PKIB: variants seen among roughly 807,000 people sequenced by gnomAD.
PKIB encodes the protein PKI-beta.
A neutral mutation model predicts 4.5 loss-of-function variants in PKIB; 2 were observed. The observed-to-expected ratio is 0.44, with a 90% CI of 0.18 to 1.39. The LOEUF is 1.39. Among genes scored for constraint, PKIB ranks in the 40% most tolerant of loss-of-function variants. The pLI, the probability that PKIB is intolerant of heterozygous loss-of-function variation, is 0.27. For synonymous variants in PKIB, 38 were observed against 36.0 expected, an observed-to-expected ratio of 1.06 and a Z score of -0.20; for missense variants, 94 against 92.6, an observed-to-expected ratio of 1.02 and a Z score of -0.06.
intron 3 of PKIB, among the ~76,000 whole-genome samples, chr6:122,694,294 T>C (rs1165071856): frequency 6.6e-6 from 1 of 152,202 alleles, no homozygotes; most frequent in Non-Finnish European, 1.5e-5. Context: ...CTAGGGAAGG[T>C]ATCTGGAATC....
chr6:122,698,130 C>A (rs1418352024), intron 3 of PKIB, among the ~76,000 whole-genome samples: 1 of 152,148 alleles, frequency 6.6e-6, no homozygotes, highest in East Asian at 1.9e-4. Context: ...GAATTAAGAG[C>A]AACAACTCTC....
intron 2 of PKIB, among the ~76,000 whole-genome samples, chr6:122,493,786 C>G (rs1235147177): frequency 1.3e-5 from 2 of 152,134 alleles, no homozygotes; most frequent in Admixed American, 6.5e-5. Context: ...CTAGTCCAGT[C>G]TTTGCCGACT....
chr6:122,580,360 T>G (rs1773667987), intron 2 of PKIB, among the ~76,000 whole-genome samples: 1 of 152,164 alleles, frequency 6.6e-6, no homozygotes, highest in Non-Finnish European at 1.5e-5. Context: ...AAAATGATGT[T>G]GGCATCTAAT....
chr6:122,722,792 GT>G (rs1779795415), intron 4 of PKIB, among the ~76,000 whole-genome samples: 1 of 152,208 alleles, frequency 6.6e-6, no homozygotes, highest in African/African-American at 2.4e-5. Context: ...CTCCATTTCT[GT>G]TTTGTAACAA....
intron 1 of PKIB, among the ~76,000 whole-genome samples, chr6:122,475,672 G>A (rs1368058761): frequency 1.3e-5 from 2 of 149,680 alleles, no homozygotes; most frequent in African/African-American, 4.8e-5. Context: ...TGTAGTCCCA[G>A]CTACTCAAGA....
chr6:122,552,989 C>T (rs1772724957), intron 2 of PKIB, among the ~76,000 whole-genome samples: 1 of 151,804 alleles, frequency 6.6e-6, no homozygotes, highest in Non-Finnish European at 1.5e-5. Flanking sequence ...TTTTTTATTT[C>T]TTACTAACTA....
At chr6:122,550,306 T>G (rs1455320498) in intron 2 of PKIB, among the ~76,000 whole-genome samples, 1 of 152,190 alleles carries the variant, frequency 6.6e-6, no homozygotes, top group Non-Finnish European at 1.5e-5. Context: ...TCCCTGAAAC[T>G]TCTATCACTT....
At chr6:122,586,050 T>A (rs1247482395) in intron 3 of PKIB, 1 of 152,162 alleles carries the variant, frequency 6.6e-6, no homozygotes, top group Non-Finnish European at 1.5e-5. Flanking sequence ...CATGTTTATG[T>A]GCCTAGCAGC....
intron 2 of PKIB, among the ~76,000 whole-genome samples, chr6:122,538,725 G>C (rs1343661091): frequency 2.0e-5 from 3 of 152,046 alleles, no homozygotes; most frequent in Admixed American, 6.5e-5. Context: ...GAAAGTCATT[G>C]GTAGCTTGAT....
At chr6:122,652,106 T>C (rs1562285871) in intron 2 of PKIB, among the ~76,000 whole-genome samples, 1 of 152,174 alleles carries the variant, frequency 6.6e-6, no homozygotes, top group South Asian at 2.1e-4. Flanking sequence ...AACCAATTCA[T>C]AAAGCTTATC....
At chr6:122,716,732 T>C (rs958638193) in intron 3 of PKIB, among the ~76,000 whole-genome samples, 6 of 152,166 alleles carry the variant, frequency 3.9e-5, no homozygotes, top group African/African-American at 1.2e-4. Context: ...CCATGAAAAG[T>C]TGGATTTGTT....
intron 2 of PKIB, among the ~76,000 whole-genome samples, chr6:122,514,817 C>T (rs547208762): frequency 2.0e-5 from 3 of 152,270 alleles, no homozygotes; most frequent in East Asian, 1.9e-4. Flanking sequence ...TCACCCCTTC[C>T]CCTATTATGT....
chr6:122,578,074 A>C (rs1562258294), intron 2 of PKIB, among the ~76,000 whole-genome samples: 1 of 152,126 alleles, frequency 6.6e-6, no homozygotes, highest in South Asian at 2.1e-4. Context: ...AGTTTTAAAG[A>C]GAGAAACAAT....
upstream of PKIB, among the ~76,000 whole-genome samples, chr6:122,605,286 T>C (rs990987955): frequency 5.3e-5 from 8 of 151,952 alleles, no homozygotes; most frequent in Non-Finnish European, 7.4e-5. Flanking sequence ...GTGGAACTTA[T>C]AGTTTCTGGT....
intron 3 of PKIB, among the ~76,000 whole-genome samples, chr6:122,587,525 C>A (rs1390245171): frequency 1.3e-5 from 2 of 152,128 alleles, no homozygotes; most frequent in African/African-American, 4.8e-5. Context: ...GATTTATAAT[C>A]CTTTGGGTAT....
At chr6:122,520,439 C>T (rs1392264991) in intron 2 of PKIB, among the ~76,000 whole-genome samples, 3 of 152,118 alleles carry the variant, frequency 2.0e-5, no homozygotes, top group Admixed American at 6.6e-5. Context: ...GAATGCGTCT[C>T]CTTAGAAGAG....
chr6:122,489,036 A>G (rs561684987), intron 2 of PKIB, among the ~76,000 whole-genome samples: 2 of 152,052 alleles, frequency 1.3e-5, no homozygotes, highest in South Asian at 4.1e-4. Context: ...TTCCTCCTGT[A>G]TATAATCAAA....
intron 2 of PKIB, among the ~76,000 whole-genome samples, chr6:122,532,161 A>C (rs1443193542): frequency 6.6e-6 from 1 of 152,204 alleles, no homozygotes; most frequent in African/African-American, 2.4e-5. Flanking sequence ...TAAATTGCAG[A>C]TAACAATTAA....
intron 2 of PKIB, among the ~76,000 whole-genome samples, chr6:122,500,802 G>A (rs986245317): frequency 6.6e-6 from 1 of 152,194 alleles, no homozygotes; most frequent in African/African-American, 2.4e-5. Context: ...TGCACAGGAG[G>A]CATGGCTGGG....
Sources: allele counts gnomAD v4.1 joint callset (sites outside exome capture counted in the v4.1 genomes callset), GRCh38; gene constraint gnomAD v4.1.1; transcripts MANE v1.5; gene names NCBI Gene and HGNC (gene_info 2026-07-23, HGNC 2026-07-21).